KRT72: variants seen among roughly 807,000 people sequenced by gnomAD.
The protein encoded by KRT72 is keratin, type II cytoskeletal 72.
KRT72 carries 44 observed loss-of-function variants against 44.7 expected under a neutral mutation model. The observed-to-expected ratio is 0.98, with a 90% confidence interval of 0.77 to 1.27. The LOEUF (loss-of-function observed/expected upper bound fraction) is 1.27, where lower values mean the gene tolerates loss of function less well. Among genes scored for constraint, KRT72 ranks in the 50% most tolerant of loss-of-function variants. The pLI is 0.00. For synonymous variants in KRT72, 302 were observed against 280.4 expected (o/e 1.08, Z -0.77); for missense variants, 736 against 667.1 (o/e 1.10, Z -1.14).
intron 1 of KRT72, 81 bp downstream of exon 1, chr12:52,600,946 C>T: frequency 6.6e-7 from 1 of 1,505,320 alleles, no homozygotes. Context: ...CCCACGCTCC[C>T]ACACAGCTCG....
intron 2 of KRT72, among the ~76,000 whole-genome samples, chr12:52,595,113 C>A (rs1441225590): frequency 6.6e-6 from 1 of 152,032 alleles, no homozygotes; most frequent in Non-Finnish European, 1.5e-5. Context: ...ACATAGAAAA[C>A]TTTTGACCAA....
At position 52,587,900 on chromosome 12, in the gene KRT72, G is replaced by C. The variant is rs747482687; in HGVS notation, c.1090-49C>G. 1.9e-6 allele frequency: 3 copies of C among 1,541,616 alleles called. No homozygotes were observed. In the Admixed American group the frequency reaches 5.5e-5, roughly 28 times the overall value. ...CTTAAGAGTCAGAGCCCAGTTCTGA[G>C]ATCTTGCTTGGACAACCTCCCCTTG... On this transcript the variant is annotated intron_variant, in intron 6 of 8. Coordinates refer to ENST00000293745, the MANE Select transcript of KRT72 (RefSeq NM_080747.3).
At position 52,586,152 on chromosome 12, in the gene KRT72, C is replaced by T. The variant is rs890474575; in HGVS notation, c.1366G>A (p.Ala456Thr). Reference sequence around the variant, plus strand: ...CTGAAGCCAGCCCCTCCTGCCCCAGCATTGGTGCTGCTGATGACGGCTGGA... The same window carrying T: ...CTGAAGCCAGCCCCTCCTGCCCCAGTATTGGTGCTGCTGATGACGGCTGGA... ...VSISVISSTN[A>T]GAGGAGFSMG... is the part of the protein sequence containing the mutation. The change falls in exon 9 of 9, where the codon GCT (alanine) becomes ACT (threonine). Residue 456 changes from alanine to threonine, a missense_variant. Physicochemically the swap from Ala to Thr is moderately conservative, Grantham distance 58. Coordinates refer to ENST00000293745, the MANE Select transcript of KRT72 (RefSeq NM_080747.3). The T allele has an allele frequency of 1.2e-6, 2 of 1,613,964 alleles. No individual in the cohort carries two copies. The highest frequency in any genetic ancestry group is 3.3e-5 in the Admixed American group (2 of 60,032).
chr12:52,592,907 A>T lies in KRT72; in HGVS notation c.687T>A (p.Phe229Leu), dbSNP rs750680214. The change falls in exon 3 of 9, where the codon TTT becomes TTA. Residue 229 changes from phenylalanine (F) to leucine (L), a missense_variant. Transcript: ENST00000293745. Reference protein sequence around the residue: ...INRRTAAENEFVVLKKDVDAA... With the variant: ...INRRTAAENELVVLKKDVDAA... ...CCCCTCTTACCTTCTTGAGCACCACAAACTCATTCTCAGCAGCTGTGCGTC... is the reference window on the plus strand; with the variant it reads ...CCCCTCTTACCTTCTTGAGCACCACTAACTCATTCTCAGCAGCTGTGCGTC... 6.2e-7 allele frequency: 1 copy of T among 1,613,888 alleles called. No individual in the cohort carries two copies. The highest frequency in any genetic ancestry group is 1.1e-5 in the South Asian group (1 of 91,028).
At chr12:52,590,509 AC>A (rs1331864058) in intron 6 of KRT72, among the ~76,000 whole-genome samples, 1 of 152,178 alleles carries the variant, frequency 6.6e-6, no homozygotes, top group Non-Finnish European at 1.5e-5. Flanking sequence ...AGGCAAGCCC[AC>A]CTGCACACGT....
In KRT72 at chr12:52,598,910, T is replaced by TC. The variant is rs1940311547; in HGVS notation, c.628dup (p.Asp210GlyfsTer7). On this transcript the variant is annotated frameshift_variant, in exon 2 of 9. Transcript: ENST00000293745. LOFTEE classifies it high-confidence loss of function. ...GCCACTCACTCACCTCTTCTTGTAGTCCTCCACCAAATCCTGCATGTTCCT... is the reference window on the plus strand; with the variant it reads ...GCCACTCACTCACCTCTTCTTGTAGTCCCTCCACCAAATCCTGCATGTTCCT... 2 of 1,613,988 alleles carry TC rather than the reference T, an allele frequency of 1.2e-6. No homozygotes were observed. Among genetic ancestry groups the TC allele is most frequent in the African/African-American group, 2.7e-5 (2 of 74,914 alleles).
rs61740862 is a variant in KRT72 at position 52,587,771 on chromosome 12, A to G, written c.1170T>C (p.Asp390=). The change falls in exon 7 of 9, where the codon GAT becomes GAC. Residue 390 remains aspartate, a synonymous_variant. Coordinates refer to ENST00000293745, the MANE Select transcript of KRT72 (RefSeq NM_080747.3). ...CALKDARAKL[D]ELEGALHQAK... ...CCTGGTGCAGGGCGCCCTCCAGCTC[A>G]TCCAGCTTGGCCCGGGCATCTTTCA... 6.4e-4 allele frequency: 1,040 copies of G among 1,614,036 alleles called. 5 individuals are homozygous for G. In the African/African-American group the frequency reaches 0.012, roughly 19 times the overall value.
intron 8 of KRT72, 34 bp downstream of exon 8, chr12:52,586,912 A>G (rs1939777662): frequency 6.2e-7 from 1 of 1,606,030 alleles, no homozygotes; most frequent in South Asian, 1.1e-5. Context: ...TGGTAAGGTG[A>G]CCAAGGGCAG....
At chr12:52,602,289 G>T (rs1284816611), upstream of KRT72, among the ~76,000 whole-genome samples, 2 of 152,154 alleles carry the variant, frequency 1.3e-5, no homozygotes, top group African/African-American at 4.8e-5. Context: ...AGCAGAAGAG[G>T]CTTATTTATC....
In KRT72 at chr12:52,601,282, G is replaced by A. The variant is rs1940442337; in HGVS notation, c.171C>T (p.Ser57=). Residue 57 remains serine (S), a synonymous_variant, in exon 1 of 9, where the codon AGC becomes AGT. Coordinates refer to ENST00000293745, the MANE Select transcript of KRT72 (RefSeq NM_080747.3). Reference sequence around the variant, plus strand: ...GCCGTGCAGCAGCGCTGAGCGCCAGGCTTCGGCTGCCCCCAAGGCAGGAGA... The same window carrying A: ...GCCGTGCAGCAGCGCTGAGCGCCAGACTTCGGCTGCCCCCAAGGCAGGAGA... ...KSLSCLGGSR[S]LALSAAARRG... 1 of 1,551,140 alleles carries A rather than the reference G, an allele frequency of 6.4e-7. No individual in the cohort carries two copies. The highest frequency in any genetic ancestry group is 8.7e-7 in the Non-Finnish European group (1 of 1,148,792).
chr12:52,588,095 A>T (rs1244614804), intron 6 of KRT72, among the ~76,000 whole-genome samples: 1 of 152,220 alleles, frequency 6.6e-6, no homozygotes. Flanking sequence ...AGGGGAAGGC[A>T]CGGAGAAAGA....
At position 52,587,800 on chromosome 12, in the gene KRT72, C is replaced by T. The variant is rs368767777; in HGVS notation, c.1141G>A (p.Ala381Thr). The T allele has an allele frequency of 5.0e-5, 80 of 1,614,072 alleles. No individual in the cohort carries two copies. The highest frequency in any genetic ancestry group is 4.9e-4 in the Middle Eastern group (3 of 6,084). Reference sequence around the variant, plus strand: ...AGCTTGGCCCGGGCATCTTTCAGGGCGCAGTCCCCCCGCTGTTCAGCGTCG... The same window carrying T: ...AGCTTGGCCCGGGCATCTTTCAGGGTGCAGTCCCCCCGCTGTTCAGCGTCG... Reference protein sequence around the residue: ...IADAEQRGDCALKDARAKLDE... With the variant: ...IADAEQRGDCTLKDARAKLDE... The change falls in exon 7 of 9, where the codon GCC becomes ACC. Residue 381 changes from alanine (A) to threonine (T), a missense_variant. Coordinates refer to ENST00000293745, the MANE Select transcript of KRT72 (RefSeq NM_080747.3).
Position 52,601,210 on chromosome 12 carries a change from G to C in KRT72, c.243C>G (p.Ser81Arg), listed in dbSNP as rs143758112. 9.8e-5 allele frequency: 157 copies of C among 1,608,418 alleles called. No homozygotes were observed. The highest frequency in any genetic ancestry group is 2.2e-4 in the Admixed American group (13 of 59,400). ...LGGFVGTAFGSAGLGPKCPSV... is the reference protein window; with the variant it reads ...LGGFVGTAFGRAGLGPKCPSV... The stretch of plus-strand genomic sequence containing the variant: ...AGGGACACTTGGGCCCCAGCCCGGC[G>C]CTGCCGAAGGCGGTGCCCACGAAGC... Residue 81 changes from serine (S) to arginine (R), a missense_variant, in exon 1 of 9, where the codon AGC (serine) becomes AGG (arginine). Ser to Arg is a moderately radical substitution (Grantham distance 110). Transcript: ENST00000293745.
chr12:52,596,686 G>A (rs935982128), intron 2 of KRT72, among the ~76,000 whole-genome samples: 1 of 151,852 alleles, frequency 6.6e-6, no homozygotes, highest in African/African-American at 2.4e-5. Flanking sequence ...GAGTAGCTGG[G>A]AACACAGACG....
At position 52,587,829 on chromosome 12, in the gene KRT72, A is replaced by G. The variant is rs1232172898; in HGVS notation, c.1112T>C (p.Ile371Thr). 6.2e-6 allele frequency: 10 copies of G among 1,614,094 alleles called. No homozygotes were observed. Among genetic ancestry groups the G allele is most frequent in the Middle Eastern group, 1.6e-4 (1 of 6,062 alleles). The change falls in exon 7 of 9, where the codon ATC becomes ACC. Residue 371 changes from isoleucine (I) to threonine (T), a missense_variant. Coordinates refer to ENST00000293745, the MANE Select transcript of KRT72 (RefSeq NM_080747.3). ...GTCCCCCCGCTGTTCAGCGTCGGCGATGGCCGTCTCCAGATCGGCACACTG... is the reference window on the plus strand; with the variant it reads ...GTCCCCCCGCTGTTCAGCGTCGGCGGTGGCCGTCTCCAGATCGGCACACTG... ...KKQCADLETA[I>T]ADAEQRGDCA...
At chr12:52,587,538 T>C in intron 7 of KRT72, 93 bp downstream of exon 7, 1 of 1,333,658 alleles carries the variant, frequency 7.5e-7, no homozygotes, top group Non-Finnish European at 1.1e-6. Context: ...TTTACTTCAG[T>C]AGGACCTAAA....
chr12:52,592,851 CA>C, intron 3 of KRT72, 40 bp downstream of exon 3: 1 of 1,578,104 alleles, frequency 6.3e-7, no homozygotes. Flanking sequence ...GCCAGGTGGT[CA>C]GGTCTAGGCT....
intron 7 of KRT72, among the ~76,000 whole-genome samples, 189 bp from the exon 8 acceptor site, chr12:52,587,169 C>A (rs1939794127): frequency 6.6e-6 from 1 of 152,102 alleles, no homozygotes; most frequent in South Asian, 2.1e-4. Flanking sequence ...AAATCTGCTG[C>A]AAGGAGTCAG....
At chr12:52,600,984 A>T (rs375352992) in intron 1 of KRT72, 43 bp downstream of exon 1, 27 of 1,599,892 alleles carry the variant, frequency 1.7e-5, no homozygotes, top group Non-Finnish European at 2.2e-5. Flanking sequence ...ACCACTGTGC[A>T]CATGCGCCCA....
Sources: gnomAD v4.1 joint callset for allele counts (sites outside exome capture counted in the v4.1 genomes callset) on GRCh38, gnomAD v4.1.1 for gene constraint, MANE v1.5 for transcripts, NCBI Gene and HGNC (gene_info 2026-07-23, HGNC 2026-07-21) for gene names.